The following SLC13A5 variants were observed in gnomAD, a reference collection of about 807,000 sequenced individuals.
The protein encoded by SLC13A5 is Na(+)/citrate cotransporter.
A neutral mutation model predicts 56.5 loss-of-function variants in SLC13A5; 25 were observed. The ratio of observed to expected loss-of-function variants is 0.44; its 90% CI spans 0.32 to 0.62. SLC13A5 has a LOEUF of 0.62. Among genes scored for constraint, SLC13A5 ranks in the 20% least tolerant of loss-of-function variants. SLC13A5 has a pLI of 0.04. For missense variants in SLC13A5, 649 were observed against 737.8 expected, an observed-to-expected ratio of 0.88 and a Z score of 1.39; for synonymous variants, 307 against 301.5, an observed-to-expected ratio of 1.02 and a Z score of -0.19.
intron 6 of SLC13A5, among the ~76,000 whole-genome samples, chr17:6,697,319 G>A (rs561231700): frequency 1.6e-4 from 24 of 152,340 alleles, no homozygotes; most frequent in African/African-American, 5.8e-4. Context: ...GCCAGAGCCT[G>A]CATTTGGTGC....
rs764993670 is a variant in SLC13A5, at chr17:6,686,330, T to C, written c.1584A>G (p.Thr528=). ...CTCCAATTATGTTCATTATGACTCC[T>C]GTTTTCACCTGGAAAAGAGACAGAG... is the stretch of plus-strand genomic sequence containing the variant. The part of the protein sequence containing the change: ...GHLKVADMVK[T]GVIMNIIGVF... The change falls in exon 12 of 12, where the codon ACA becomes ACG. Residue 528 remains threonine, a synonymous_variant. Coordinates refer to ENST00000433363, the MANE Select transcript of SLC13A5 (RefSeq NM_177550.5). 3.7e-5 allele frequency: 59 copies of C among 1,614,110 alleles called. 1 individual carries two copies. The Middle Eastern group carries it at 3.5e-3, about 95-fold the overall frequency.
At position 6,685,566 on chromosome 17, in the gene SLC13A5, G is replaced by T. The variant is rs1256310103; in HGVS notation, c.*641C>A. The stretch of plus-strand genomic sequence containing the variant: ...GTGGTGCACTGTGGGTGGCAAGCCA[G>T]GTGTCGTCCTGAAGTTGGCAACTCA... On this transcript the variant is annotated 3_prime_UTR_variant, in exon 12 of 12. Transcript: ENST00000433363. This position sits in a 1 kb window ranked among gnomAD's most constrained non-coding sequence, Gnocchi z 4.2. 1 of 153,660 alleles carries T rather than the reference G, an allele frequency of 6.5e-6. No individual in the cohort carries two copies. Among genetic ancestry groups the T allele is most frequent in the African/African-American group, 2.4e-5 (1 of 41,460 alleles). The allele number at this position is 153,660 out of a possible 1,614,324, so 9.5% of individuals were successfully genotyped here.
At chr17:6,706,819 C>G in intron 2 of SLC13A5, 41 bp from the exon 3 acceptor site, 2 of 1,609,432 alleles carry the variant, frequency 1.2e-6, no homozygotes, top group Non-Finnish European at 1.7e-6. Context: ...CTGTCCCTTG[C>G]CACACACTAG....
intron 3 of SLC13A5, 142 bp from the exon 4 acceptor site, chr17:6,704,198 A>T: frequency 1.1e-6 from 1 of 917,918 alleles, no homozygotes; most frequent in Non-Finnish European, 1.7e-6. Flanking sequence ...TGGAATAGGG[A>T]TGACGGTTTT....
intron 1 of SLC13A5, among the ~76,000 whole-genome samples, chr17:6,708,993 C>CTCTTTTTT: frequency 7.5e-6 from 1 of 133,030 alleles, no homozygotes; most frequent in East Asian, 2.2e-4. Flanking sequence ...TCTTTTATTT[C>CTCTTTTTT]TTTTTTTTTT....
Position 6,692,977 on chromosome 17 carries a change from G to A in SLC13A5, c.1275+67C>T. ...GAAACACACAAGCCCAGGGATGGAA[G>A]GGTGGAGAAACGCCACCCTCTTGAC... On this transcript the variant is annotated intron_variant, in intron 9 of 11. Coordinates refer to ENST00000433363, the MANE Select transcript of SLC13A5 (RefSeq NM_177550.5). The surrounding 1 kb of genome is among the most constrained non-coding windows in gnomAD (Gnocchi z 5.5). 1.7e-6 allele frequency: 2 copies of A among 1,176,512 alleles called. No homozygotes were observed. The highest frequency in any genetic ancestry group is 2.6e-6 in the Non-Finnish European group (2 of 781,072). The allele number at this position is 1,176,512 out of a possible 1,614,324, so 72.9% of individuals were successfully genotyped here. A position where few individuals can be genotyped will look rare whatever the true frequency, so the allele number is the denominator to read the frequency against.
intron 8 of SLC13A5, 151 bp from the exon 9 acceptor site, chr17:6,693,313 T>C (rs1973467889): frequency 6.8e-6 from 4 of 585,896 alleles, no homozygotes; most frequent in Non-Finnish European, 1.2e-5. Flanking sequence ...CTCCTACTTA[T>C]AAATTAGCTA....
intron 8 of SLC13A5, chr17:6,693,368 C>T: frequency 4.1e-6 from 2 of 483,540 alleles, no homozygotes; most frequent in Non-Finnish European, 7.2e-6. Flanking sequence ...TATGATCAAA[C>T]TATTACACAC....
At chr17:6,708,593 C>T (rs866091565) in intron 1 of SLC13A5, among the ~76,000 whole-genome samples, 1 of 152,174 alleles carries the variant, frequency 6.6e-6, no homozygotes. Context: ...TAAATAAAGA[C>T]CAAAACACTT....
rs1169465651 is a variant in SLC13A5 at position 6,707,165 on chromosome 17, A to G, written c.103-9T>C. 4 of 1,613,510 alleles carry G rather than the reference A, an allele frequency of 2.5e-6. No homozygotes were observed. The highest frequency in any genetic ancestry group is 2.5e-6 in the Non-Finnish European group (3 of 1,179,852). The stretch of plus-strand genomic sequence containing the variant: ...TAGGCACACCTGACAAACTGAAGAG[A>G]CAGTCCTGAGGCCTCAGCGTGTTGC... On this transcript the variant is annotated splice_polypyrimidine_tract_variant and intron_variant, in intron 1 of 11. Transcript: ENST00000433363.
intron 7 of SLC13A5, chr17:6,695,274 C>A: frequency 6.2e-6 from 1 of 162,100 alleles, no homozygotes. Flanking sequence ...CTCTGAAACC[C>A]AGCTCCCAAA....
Position 6,706,770 on chromosome 17 carries a change from G to A in SLC13A5, c.240C>T (p.Val80=). 2.5e-6 allele frequency: 4 copies of A among 1,614,082 alleles called. No homozygotes were observed. Among genetic ancestry groups the A allele is most frequent in the Non-Finnish European group, 3.4e-6 (4 of 1,180,024 alleles). Residue 80 remains valine (V), a synonymous_variant, in exon 3 of 12, where the codon GTC becomes GTT. Coordinates refer to ENST00000433363, the MANE Select transcript of SLC13A5 (RefSeq NM_177550.5). ...FQILDSRQVC[V]QYMKDTNMLF... is the part of the protein sequence containing the mutation. ...GCATGTTGGTGTCCTTCATGTACTG[G>A]ACACACACCTGGAGCGTGGCACGAA... is the stretch of plus-strand genomic sequence containing the variant.
At chr17:6,707,751 T>C (rs1039161637) in intron 1 of SLC13A5, among the ~76,000 whole-genome samples, 1 of 150,958 alleles carries the variant, frequency 6.6e-6, no homozygotes, top group African/African-American at 2.4e-5. Flanking sequence ...AGCTAAGCTA[T>C]GGGTATCCAG....
At position 6,706,628 on chromosome 17, in the gene SLC13A5, G is replaced by C; in HGVS notation, c.368+14C>G. ...ATGCAGAGCCACGTGGCAAGAGAGA[G>C]AAGGCGTAATTACCGTGCAGGCTTG... On this transcript the variant is annotated intron_variant, in intron 3 of 11. Coordinates refer to ENST00000433363, the MANE Select transcript of SLC13A5 (RefSeq NM_177550.5). 6.2e-7 allele frequency: 1 copy of C among 1,612,242 alleles called. No individual in the cohort carries two copies. Among genetic ancestry groups the C allele is most frequent in the Non-Finnish European group, 8.5e-7 (1 of 1,179,244 alleles).
intron 5 of SLC13A5, among the ~76,000 whole-genome samples, chr17:6,702,714 A>G (rs1251326203): frequency 6.6e-6 from 1 of 152,182 alleles, no homozygotes. Flanking sequence ...CTTGCATCAT[A>G]GCAGAAAGCA....
In SLC13A5 at chr17:6,686,285, A is replaced by T; in HGVS notation, c.1629T>A (p.Ala543=). 1.2e-6 allele frequency: 2 copies of T among 1,614,164 alleles called. No homozygotes were observed. Among genetic ancestry groups the T allele is most frequent in the Non-Finnish European group, 1.7e-6 (2 of 1,180,028 alleles). Reference sequence around the variant, plus strand: ...ATATGGCCCGTCCCCAGGTGTTGACAGCCAAAAACACACAGAAGACTCCAA... The same window carrying T: ...ATATGGCCCGTCCCCAGGTGTTGACTGCCAAAAACACACAGAAGACTCCAA... ...NIIGVFCVFL[A]VNTWGRAIFD... is the part of the protein sequence containing the mutation. Residue 543 remains alanine, a synonymous_variant, in exon 12 of 12, where the codon GCT becomes GCA. Transcript: ENST00000433363.
chr17:6,712,740 T>G (rs8079060), intron 1 of SLC13A5, among the ~76,000 whole-genome samples: 2,932 of 152,296 alleles, frequency 0.019, 103 homozygotes, highest in African/African-American at 0.066. Flanking sequence ...GGGTGATGAT[T>G]TTTTTCCTGT....
At chr17:6,703,210 G>A in intron 4 of SLC13A5, 72 bp from the exon 5 acceptor site, 1 of 1,566,042 alleles carries the variant, frequency 6.4e-7, no homozygotes, top group Non-Finnish European at 8.7e-7. Flanking sequence ...TCCTGACTCT[G>A]CTGCTGACCT....
chr17:6,707,182 G>A, intron 1 of SLC13A5, 26 bp from the exon 2 acceptor site: 1 of 1,611,764 alleles, frequency 6.2e-7, no homozygotes, highest in East Asian at 2.2e-5. Flanking sequence ...TGAGGCCTCA[G>A]CGTGTTGCCG....
Sources: allele counts gnomAD v4.1 joint callset (sites outside exome capture counted in the v4.1 genomes callset), GRCh38; gene constraint gnomAD v4.1.1; non-coding constraint Gnocchi (gnomAD v3.1); transcripts MANE v1.5; gene names NCBI Gene and HGNC (gene_info 2026-07-23, HGNC 2026-07-21).